Variants in KIF17 observed in about 807,000 individuals in gnomAD.
KIF17 encodes kinesin family member 17, also known as kinesin-like protein KIF17.
In KIF17, 80 loss-of-function variants were observed where a neutral mutation model predicts 96.8. That is an observed-to-expected ratio of 0.83 (90% CI 0.69 to 1.00). The LOEUF is 1.00. Ranked by LOEUF, KIF17 falls within the 50% of genes least tolerant of loss-of-function variation. The pLI, the probability that KIF17 is intolerant of heterozygous loss-of-function variation, is 0.00. For synonymous variants in KIF17, 567 were observed against 587.5 expected, an observed-to-expected ratio of 0.97 and a Z score of 0.51; for missense variants, 1,280 against 1,372.9, an observed-to-expected ratio of 0.93 and a Z score of 1.07.
Position 20,690,031 on chromosome 1 carries a change from C to T in KIF17, c.1381+157G>A, listed in dbSNP as rs370991886. Among the ~76,000 whole-genome samples the T allele has an allele frequency of 2.6e-5, 4 of 152,326 alleles. No individual in the cohort carries two copies. In the South Asian group the frequency reaches 8.3e-4, roughly 32 times the overall value. On this transcript the variant is annotated intron_variant, in intron 7 of 14. Transcript: ENST00000400463. Reference sequence around the variant, plus strand: ...TGCCTCAGTTTCCTCATCTATATAGCGAGCATAATTGTGGTACCTACCTTA... The same window carrying T: ...TGCCTCAGTTTCCTCATCTATATAGTGAGCATAATTGTGGTACCTACCTTA...
At position 20,685,032 on chromosome 1, in the gene KIF17, G is replaced by C; in HGVS notation, c.2020-12C>G. On this transcript the variant is annotated splice_polypyrimidine_tract_variant and intron_variant, in intron 9 of 14. Transcript: ENST00000400463. This position sits in a 1 kb window ranked among gnomAD's most constrained non-coding sequence, Gnocchi z 4.1. ...GCCAGATCTACCTCCTGAGTGTGAA[G>C]AGAAACCCAGGTGGAGGTGGGAAGG... 6.4e-7 allele frequency: 1 copy of C among 1,574,506 alleles called. No individual in the cohort carries two copies. The highest frequency in any genetic ancestry group is 1.8e-5 in the Admixed American group (1 of 54,180).
At position 20,670,734 on chromosome 1, in the gene KIF17, G is replaced by A. The variant is rs569454983; in HGVS notation, c.2723-246C>T. The stretch of plus-strand genomic sequence containing the variant: ...CCAGGCAAGACAGCAGGCGAGGGTG[G>A]GGACAGACAGGAAGGCTGCTGCATC... On this transcript the variant is annotated intron_variant, in intron 12 of 14. Transcript: ENST00000400463. Among the ~76,000 whole-genome samples, 24 of 152,294 alleles carry A rather than the reference G, an allele frequency of 1.6e-4. No homozygotes were observed. The South Asian group carries it at 4.8e-3, about 30-fold the overall frequency.
chr1:20,669,564 T>TAATAATAATAATAAATA (rs770758270), intron 13 of KIF17, among the ~76,000 whole-genome samples: 16 of 124,470 alleles, frequency 1.3e-4, no homozygotes, highest in African/African-American at 2.2e-4. Context: ...ATAATAATAA[T>TAATAATAATAATAAATA]AAATAAAATA....
rs2154536089 is a variant in KIF17 at position 20,687,424 on chromosome 1, A to G, written c.1902T>C (p.Asp634=). 2 of 1,613,770 alleles carry G rather than the reference A, an allele frequency of 1.2e-6. No homozygotes were observed. Among genetic ancestry groups the G allele is most frequent in the Non-Finnish European group, 1.7e-6 (2 of 1,180,020 alleles). Residue 634 remains aspartate (D), a synonymous_variant, in exon 8 of 15, where the codon GAT becomes GAC. Transcript: ENST00000400463. The surrounding 1 kb of genome is among the most constrained non-coding windows in gnomAD (Gnocchi z 4.4). The part of the protein sequence containing the change: ...ARLSSTVART[D]APQADVPKVP... ...CCTTGGGGACGTCTGCCTGGGGTGCATCTGTCCTGGCCACGGTGGAGGAGA... is the reference window on the plus strand; with the variant it reads ...CCTTGGGGACGTCTGCCTGGGGTGCGTCTGTCCTGGCCACGGTGGAGGAGA...
At chr1:20,708,810 C>A (rs1249090701) in intron 4 of KIF17, among the ~76,000 whole-genome samples, 1 of 152,122 alleles carries the variant, frequency 6.6e-6, no homozygotes, top group Non-Finnish European at 1.5e-5. Flanking sequence ...GCCAATGGGG[C>A]CCCCAAATAA....
chr1:20,663,330 C>G (rs2053469580), downstream of KIF17, among the ~76,000 whole-genome samples: 1 of 152,124 alleles, frequency 6.6e-6, no homozygotes, highest in African/African-American at 2.4e-5. Flanking sequence ...GTCTAAACAC[C>G]CCCACCCCAG....
chr1:20,685,097 C>A lies in KIF17; in HGVS notation c.2020-77G>T. 1 of 1,202,814 alleles carries A rather than the reference C, an allele frequency of 8.3e-7. No individual in the cohort carries two copies. Among genetic ancestry groups the A allele is most frequent in the Non-Finnish European group, 1.2e-6 (1 of 829,686 alleles). 74.5% of individuals were successfully genotyped at this position (1,202,814 alleles called of 1,614,324 possible). On this transcript the variant is annotated intron_variant, in intron 9 of 14. Transcript: ENST00000400463. The surrounding 1 kb of genome is among the most constrained non-coding windows in gnomAD (Gnocchi z 4.1). ...GCCGACAGCTCCCAGGTGGCTCAAT[C>A]CCAGACGGGGCCATTCCGCCTGCTG...
Position 20,670,458 on chromosome 1 carries a change from C to A in KIF17, c.2753G>T (p.Arg918Leu), listed in dbSNP as rs200150083. The change falls in exon 13 of 15, where the codon CGC becomes CTC. Residue 918 changes from arginine to leucine, a missense_variant. Transcript: ENST00000400463. Reference sequence around the variant, plus strand: ...GCCATTGTCTGCTGCAGAGGTTTTGCGGGCTGGTTTGTTCTGTGGCCCAGT... The same window carrying A: ...GCCATTGTCTGCTGCAGAGGTTTTGAGGGCTGGTTTGTTCTGTGGCCCAGT... ...VSTGPQNKPA[R>L]KTSAADNGEP... 36 of 1,614,006 alleles carry A rather than the reference C, an allele frequency of 2.2e-5. No individual in the cohort carries two copies. Among genetic ancestry groups the A allele is most frequent in the South Asian group, 3.3e-5 (3 of 91,080 alleles).
At position 20,664,532 on chromosome 1, in the gene KIF17, G is replaced by A. The variant is rs1390864089; in HGVS notation, c.*52C>T. The A allele has an allele frequency of 2.8e-5, 45 of 1,613,102 alleles. No homozygotes were observed. The highest frequency in any genetic ancestry group is 3.5e-5 in the Non-Finnish European group (41 of 1,180,004). On this transcript the variant is annotated 3_prime_UTR_variant, in exon 15 of 15. Transcript: ENST00000400463. The stretch of plus-strand genomic sequence containing the variant: ...GACCTGGTTGGGGCTGCCCTGGGAG[G>A]GCCTGGCAGTCTCTACATGCCTATA...
At chr1:20,673,683 C>T (rs1055914464) in intron 11 of KIF17, among the ~76,000 whole-genome samples, 3 of 151,940 alleles carry the variant, frequency 2.0e-5, no homozygotes, top group Admixed American at 6.6e-5. Context: ...GTTTGAGTCA[C>T]CACGCTCAGC....
At position 20,717,491 on chromosome 1, in the gene KIF17, G is replaced by A. The variant is rs1374405827; in HGVS notation, c.216C>T (p.Ala72=). 1.2e-6 allele frequency: 2 copies of A among 1,611,330 alleles called. No homozygotes were observed. The highest frequency in any genetic ancestry group is 2.2e-5 in the East Asian group (1 of 44,836). ...GCGCCCTCACCTCCACCAGCGGATA[G>A]GCGATCTCGTTGTAGATCTGCTCGG... is the stretch of plus-strand genomic sequence containing the variant. ...HVTEQIYNEI[A]YPLVEGVTEG... is the part of the protein sequence containing the mutation. Residue 72 remains alanine (A), a synonymous_variant, in exon 1 of 15, where the codon GCC becomes GCT. Coordinates refer to ENST00000400463, the MANE Select transcript of KIF17 (RefSeq NM_001122819.3).
chr1:20,717,850 G>T lies in KIF17; in HGVS notation c.-144C>A. Reference sequence around the variant, plus strand: ...GGGCGGGGCCGCGGCGGGGGGCGGGGACCCCTCGGGGGGCGCCCCGGAGGG... The same window carrying T: ...GGGCGGGGCCGCGGCGGGGGGCGGGTACCCCTCGGGGGGCGCCCCGGAGGG... On this transcript the variant is annotated 5_prime_UTR_variant, in exon 1 of 15. Coordinates refer to ENST00000400463, the MANE Select transcript of KIF17 (RefSeq NM_001122819.3). 1.6e-6 allele frequency: 1 copy of T among 634,320 alleles called. No individual in the cohort carries two copies. The highest frequency in any genetic ancestry group is 1.9e-6 in the Non-Finnish European group (1 of 519,996). 39.3% of individuals were successfully genotyped at this position (634,320 alleles called of 1,614,324 possible).
At chr1:20,708,753 G>A (rs566173248) in intron 4 of KIF17, among the ~76,000 whole-genome samples, 14 of 152,320 alleles carry the variant, frequency 9.2e-5, no homozygotes, top group Non-Finnish European at 2.1e-4. Context: ...AGACTGTCGT[G>A]AGATTTAAAT....
In KIF17 at chr1:20,686,000, T is replaced by C; in HGVS notation, c.2019+46A>G. On this transcript the variant is annotated intron_variant, in intron 9 of 14. Coordinates refer to ENST00000400463, the MANE Select transcript of KIF17 (RefSeq NM_001122819.3). This position sits in a 1 kb window ranked among gnomAD's most constrained non-coding sequence, Gnocchi z 4.1. Reference sequence around the variant, plus strand: ...GACAAGCTGGAGTTTCCCAGGAAGTTGAAGAGAACCCCGTCCCCCACATGG... The same window carrying C: ...GACAAGCTGGAGTTTCCCAGGAAGTCGAAGAGAACCCCGTCCCCCACATGG... 6.9e-7 allele frequency: 1 copy of C among 1,458,100 alleles called. No homozygotes were observed. The allele number at this position is 1,458,100 out of a possible 1,614,324, so 90.3% of individuals were successfully genotyped here.
At chr1:20,671,024 G>GGA (rs2053638941) in intron 12 of KIF17, among the ~76,000 whole-genome samples, 2 of 152,140 alleles carry the variant, frequency 1.3e-5, no homozygotes, top group Admixed American at 6.6e-5. Context: ...GCCCAGAGAG[G>GGA]GACAGTGATC....
At chr1:20,688,019 G>C (rs1292396194) in intron 7 of KIF17, 75 bp from the exon 8 acceptor site, 2 of 1,262,916 alleles carry the variant, frequency 1.6e-6, no homozygotes, top group Admixed American at 1.8e-5. Flanking sequence ...GTGGCTCCAA[G>C]CCCAGTGTGT....
At chr1:20,686,642 G>A (rs368544376) in intron 8 of KIF17, among the ~76,000 whole-genome samples, 1 of 152,074 alleles carries the variant, frequency 6.6e-6, no homozygotes, top group South Asian at 2.1e-4. Context: ...TGCAACCTCC[G>A]TCTCCCGGGT....
chr1:20,712,571 G>T (rs1481416157), intron 3 of KIF17, among the ~76,000 whole-genome samples: 8 of 64,304 alleles, frequency 1.2e-4, no homozygotes, highest in Admixed American at 2.2e-4. Context: ...TATATATATA[G>T]ATAATATTAT....
At chr1:20,683,265 G>A (rs1365064156) in intron 10 of KIF17, among the ~76,000 whole-genome samples, 2 of 152,344 alleles carry the variant, frequency 1.3e-5, no homozygotes, top group African/African-American at 2.4e-5. Context: ...TACACTCAGC[G>A]CACAATATTT....
Sources: allele counts gnomAD v4.1 joint callset (sites outside exome capture counted in the v4.1 genomes callset), GRCh38; gene constraint gnomAD v4.1.1; non-coding constraint Gnocchi (gnomAD v3.1); transcripts MANE v1.5; gene names NCBI Gene and HGNC (gene_info 2026-07-23, HGNC 2026-07-21).